SPTBN5: variants seen among roughly 807,000 people sequenced by gnomAD.
SPTBN5 encodes the protein spectrin beta, non-erythrocytic 5, also known as spectrin beta chain, non-erythrocytic 5.
In SPTBN5, 513 loss-of-function variants were observed where a neutral mutation model predicts 477.6. That is an observed-to-expected ratio of 1.07 (90% CI 1.00 to 1.16). SPTBN5 has a LOEUF of 1.16. Among genes scored for constraint, SPTBN5 ranks in the 50% most tolerant of loss-of-function variants. The pLI, the probability that SPTBN5 is intolerant of heterozygous loss-of-function variation, is 0.00. For synonymous variants in SPTBN5, 2,169 were observed against 2,011.7 expected, an observed-to-expected ratio of 1.08 and a Z score of -2.09; for missense variants, 5,062 against 4,731.8, an observed-to-expected ratio of 1.07 and a Z score of -2.05.
At position 41,870,014 on chromosome 15, in the gene SPTBN5, C is replaced by A. The variant is rs2066477650; in HGVS notation, c.5680G>T (p.Glu1894Ter). 1.3e-6 allele frequency: 2 copies of A among 1,490,352 alleles called. No homozygotes were observed. The highest frequency in any genetic ancestry group is 1.8e-6 in the Non-Finnish European group (2 of 1,117,620). 92.3% of individuals were successfully genotyped at this position (1,490,352 alleles called of 1,614,324 possible). ...ELVGTERQLQ[E>*]LLETAGRVQK... ...ACCCTGCCTGCAGTCTCCAGCAGTT[C>A]CTGCAGCTGCGGGAGGGGCAGGGAA... Residue 1894 changes from glutamate (E) to a stop codon, truncating the protein, a stop_gained, in exon 32 of 68, where the codon GAA becomes TAA. Transcript: ENST00000320955. LOFTEE classifies it high-confidence loss of function.
intron 19 of SPTBN5, 80 bp downstream of exon 19, chr15:41,876,729 C>A: frequency 1.3e-6 from 2 of 1,590,436 alleles, no homozygotes; most frequent in Non-Finnish European, 1.7e-6. Flanking sequence ...CCACCCCCTA[C>A]TCTCCCAGCC....
intron 34 of SPTBN5, 33 bp downstream of exon 34, chr15:41,868,036 C>T: frequency 6.3e-7 from 1 of 1,575,990 alleles, no homozygotes; most frequent in African/African-American, 1.3e-5. Context: ...GAGCAGGAGG[C>T]TGAGCGGAGT....
chr15:41,876,518 G>T (rs1305150392), intron 20 of SPTBN5, 30 bp downstream of exon 20: 2 of 1,547,622 alleles, frequency 1.3e-6, no homozygotes, highest in Non-Finnish European at 1.8e-6. Context: ...TTTCAGGGAG[G>T]CGTCATGCGA....
At position 41,883,374 on chromosome 15, in the gene SPTBN5, C is replaced by T; in HGVS notation, c.1633G>A (p.Ala545Thr). 3 of 1,613,556 alleles carry T rather than the reference C, an allele frequency of 1.9e-6. No individual in the cohort carries two copies. Among genetic ancestry groups the T allele is most frequent in the Non-Finnish European group, 1.7e-6 (2 of 1,179,812 alleles). Residue 545 changes from alanine to threonine, a missense_variant, in exon 8 of 68, where the codon GCC becomes ACC. Transcript: ENST00000320955. ...TGCAGCTCCTCCAGCTGGTGGGAGG[C>T]AGCCTCCACCTCCTGCAGCAGGCTC... ...VLSLLQEVEA[A>T]SHQLEELQEP...
rs1321218914 is a variant in SPTBN5, at chr15:41,893,354, T to C, written c.144A>G (p.Leu48=). ...SQYETGHIRK[L]QARHMQMQEK... The stretch of plus-strand genomic sequence containing the variant: ...CCTGCATCTGCATGTGCCGGGCCTG[T>C]AGCTTGCGAATGTGGCCCGTCTCGT... The change falls in exon 2 of 68, where the codon CTA becomes CTG. Residue 48 remains leucine (L), a synonymous_variant. Transcript: ENST00000320955. 6.2e-7 allele frequency: 1 copy of C among 1,614,004 alleles called. No homozygotes were observed. Among genetic ancestry groups the C allele is most frequent in the South Asian group, 1.1e-5 (1 of 91,084 alleles).
In SPTBN5 at chr15:41,886,105, G is replaced by T; in HGVS notation, c.1150C>A (p.Pro384Thr). The change falls in exon 7 of 68, where the codon CCC (proline) becomes ACC (threonine). Residue 384 changes from proline to threonine, a missense_variant. By Grantham distance (38) the Pro-to-Thr change is conservative. Coordinates refer to ENST00000320955, the MANE Select transcript of SPTBN5 (RefSeq NM_016642.4). The part of the protein sequence containing the change: ...QTALQAQNRR[P>T]FLPHEGLGLA... ...CCCAGGCCCTCATGAGGCAGGAAGG[G>T]CCTGCGGTTCTGGGCTTGGAGTGCT... 1 of 1,609,722 alleles carries T rather than the reference G, an allele frequency of 6.2e-7. No homozygotes were observed. Among genetic ancestry groups the T allele is most frequent in the Non-Finnish European group, 8.5e-7 (1 of 1,177,922 alleles).
In SPTBN5 at chr15:41,882,143, G is replaced by C; in HGVS notation, c.2250C>G (p.Tyr750Ter). ...RLQTALLVLQYFADAAEAASW... is the reference protein window; with the variant it reads ...RLQTALLVLQ ...AAGCCGCCTCCGCCGCGTCCGCGAA[G>C]TACTGTGGGAGGGGGTCGGGGGTGG... The change falls in exon 12 of 68, where the codon TAC becomes TAG. Residue 750 changes from tyrosine (Y) to a stop codon, truncating the protein, a stop_gained and splice_region_variant. Transcript: ENST00000320955. LOFTEE classifies it high-confidence loss of function. 2 of 1,571,730 alleles carry C rather than the reference G, an allele frequency of 1.3e-6. No homozygotes were observed. The highest frequency in any genetic ancestry group is 1.7e-5 in the Admixed American group (1 of 57,760).
At position 41,851,096 on chromosome 15, in the gene SPTBN5, G is replaced by A. The variant is rs201037092; in HGVS notation, c.10798C>T (p.Arg3600Trp). 205 of 1,613,052 alleles carry A rather than the reference G, an allele frequency of 1.3e-4. No individual in the cohort carries two copies. Among genetic ancestry groups the A allele is most frequent in the African/African-American group, 1.0e-3 (75 of 75,072 alleles). Residue 3600 changes from arginine (R) to tryptophan (W), a missense_variant, in exon 65 of 68, where the codon CGG becomes TGG. Coordinates refer to ENST00000320955, the MANE Select transcript of SPTBN5 (RefSeq NM_016642.4). ...DLTGARCERL[R>W]GRHGRKHTFS... ...GTGTGTTTCCTGCCGTGGCGGCCCC[G>A]CAGCCTCTCACACCGGGCTCCCGTG...
In SPTBN5 at chr15:41,852,426, C is replaced by G. The variant is rs1408608730; in HGVS notation, c.10450-110G>C. On this transcript the variant is annotated intron_variant, in intron 61 of 67. Coordinates refer to ENST00000320955, the MANE Select transcript of SPTBN5 (RefSeq NM_016642.4). ...AGCCCTCCCGGTCAGAGGGGGCCTGCCTCCCCATCACTAGCTCTTTCAGCT... is the reference window on the plus strand; with the variant it reads ...AGCCCTCCCGGTCAGAGGGGGCCTGGCTCCCCATCACTAGCTCTTTCAGCT... 4.2e-6 allele frequency: 6 copies of G among 1,413,848 alleles called. No homozygotes were observed. In the East Asian group the frequency reaches 1.2e-4, roughly 29 times the overall value. 87.6% of individuals were successfully genotyped at this position (1,413,848 alleles called of 1,614,324 possible). A position where few individuals can be genotyped will look rare whatever the true frequency, so the allele number is the denominator to read the frequency against.
chr15:41,877,495 T>A, intron 17 of SPTBN5, 139 bp from the exon 18 acceptor site: 1 of 1,288,866 alleles, frequency 7.8e-7, no homozygotes. Context: ...GTGCTTAGGG[T>A]GCAGGGGTTC....
intron 55 of SPTBN5, 61 bp from the exon 56 acceptor site, chr15:41,855,037 A>G: frequency 1.3e-6 from 2 of 1,490,952 alleles, no homozygotes; most frequent in Non-Finnish European, 1.8e-6. Flanking sequence ...CTCAAAGCTC[A>G]TGAAGAGCTC....
At chr15:41,855,200 G>A in intron 55 of SPTBN5, 24 bp downstream of exon 55, 1 of 1,594,830 alleles carries the variant, frequency 6.3e-7, no homozygotes, top group Non-Finnish European at 8.6e-7. Flanking sequence ...CACTCCCCGT[G>A]AGGTTTGCTC....
rs772113950 is a variant in SPTBN5 at position 41,861,967 on chromosome 15, C to G, written c.7549-44G>C. 6.4e-6 allele frequency: 10 copies of G among 1,570,200 alleles called. No individual in the cohort carries two copies. In the South Asian group the frequency reaches 1.2e-4, roughly 18 times the overall value. Reference sequence around the variant, plus strand: ...CAGATCACTGGGGGCTGGAAGCAGCCCAGCAGGCAGGAGAGAGGTGGGGAA... The same window carrying G: ...CAGATCACTGGGGGCTGGAAGCAGCGCAGCAGGCAGGAGAGAGGTGGGGAA... On this transcript the variant is annotated intron_variant, in intron 44 of 67. Coordinates refer to ENST00000320955, the MANE Select transcript of SPTBN5 (RefSeq NM_016642.4).
At chr15:41,868,319 C>G in intron 33 of SPTBN5, 79 bp downstream of exon 33, 2 of 1,562,488 alleles carry the variant, frequency 1.3e-6, no homozygotes, top group Non-Finnish European at 1.7e-6. Context: ...CAGCATGGCA[C>G]AGTAGGACGG....
In SPTBN5 at chr15:41,873,947, G is replaced by A. The variant is rs1402125412; in HGVS notation, c.4788C>T (p.His1596=). ...LAASGHPQAQ[H]IVEQCQELEG... The stretch of plus-strand genomic sequence containing the variant: ...CCAGCTCCTGGCACTGCTCCACGAT[G>A]TGTTGGGCTTGGGGGTGCCCTGAGG... The change falls in exon 25 of 68, where the codon CAC becomes CAT. Residue 1596 remains histidine, a synonymous_variant. Transcript: ENST00000320955. 5.6e-6 allele frequency: 9 copies of A among 1,609,878 alleles called. No homozygotes were observed. Among genetic ancestry groups the A allele is most frequent in the Non-Finnish European group, 7.6e-6 (9 of 1,179,878 alleles).
rs780810454 is a variant in SPTBN5 at position 41,868,054 on chromosome 15, C to T, written c.6207+15G>A. On this transcript the variant is annotated intron_variant, in intron 34 of 67. Coordinates refer to ENST00000320955, the MANE Select transcript of SPTBN5 (RefSeq NM_016642.4). ...CAGGAGGCTGAGCGGAGTGTGAGGG[C>T]GGGAGGGGACCTGCCTCCTGGGCCG... 26 of 1,592,052 alleles carry T rather than the reference C, an allele frequency of 1.6e-5. No homozygotes were observed. The East Asian group carries it at 2.2e-4, about 14-fold the overall frequency.
chr15:41,875,123 T>C, intron 22 of SPTBN5, 67 bp from the exon 23 acceptor site: 1 of 1,445,236 alleles, frequency 6.9e-7, no homozygotes, highest in South Asian at 1.3e-5. Context: ...CTTCCCGGGC[T>C]CTGGGACTGT....
At chr15:41,867,214 C>T in intron 35 of SPTBN5, 88 bp from the exon 36 acceptor site, 3 of 1,397,496 alleles carry the variant, frequency 2.1e-6, no homozygotes, top group African/African-American at 1.4e-5. Context: ...TCTTTGAGGG[C>T]CCCGGAGCCC....
At chr15:41,873,785 G>T in intron 25 of SPTBN5, 60 bp downstream of exon 25, 1 of 1,588,228 alleles carries the variant, frequency 6.3e-7, no homozygotes, top group South Asian at 1.1e-5. Flanking sequence ...TCCCACAGGT[G>T]GCCCCTCAAG....
Sources: allele counts gnomAD v4.1 joint callset, GRCh38; gene constraint gnomAD v4.1.1; transcripts MANE v1.5; gene names NCBI Gene and HGNC (gene_info 2026-07-23, HGNC 2026-07-21).